The following UGT1A10 variants were observed in gnomAD, a reference collection of about 807,000 sequenced individuals.
UGT1A10 encodes UDP-glucuronosyltransferase 1A10.
Under a neutral mutation model 45.8 loss-of-function variants are expected in UGT1A10, and 49 were observed. That is an observed-to-expected ratio of 1.07 (90% CI 0.85 to 1.36). UGT1A10 has a LOEUF of 1.36. UGT1A10 is among the 40% of genes most tolerant of loss of function. UGT1A10 has a pLI of 0.00. For synonymous variants in UGT1A10, 284 were observed against 249.7 expected (o/e 1.14, Z -1.29); for missense variants, 745 against 668.6 (o/e 1.11, Z -1.26).
At chr2:233,654,850 G>A (rs1221049447) in intron 1 of UGT1A10, among the ~76,000 whole-genome samples, 1 of 152,210 alleles carries the variant, frequency 6.6e-6, no homozygotes, top group Admixed American at 6.5e-5. Flanking sequence ...CCTGCACTTA[G>A]GGAAACTGAG....
chr2:233,742,128 C>T (rs1691880797), intron 1 of UGT1A10, among the ~76,000 whole-genome samples: 1 of 151,756 alleles, frequency 6.6e-6, no homozygotes, highest in Admixed American at 6.5e-5. Flanking sequence ...TCGTGGAGAC[C>T]CTAACCCAGC....
chr2:233,772,363 A>G lies in UGT1A10; in HGVS notation c.1397A>G (p.Lys466Arg). 1 of 1,614,238 alleles carries G rather than the reference A, an allele frequency of 6.2e-7. No homozygotes were observed. Among genetic ancestry groups the G allele is most frequent in the Non-Finnish European group, 8.5e-7 (1 of 1,180,044 alleles). Residue 466 changes from lysine to arginine, a missense_variant, in exon 5 of 5, where the codon AAG (lysine) becomes AGG (arginine). By Grantham distance (26) the Lys-to-Arg change is conservative. Coordinates refer to ENST00000344644, the MANE Select transcript of UGT1A10 (RefSeq NM_019075.4). ...TGGGTGGAGTTTGTGATGAGGCACA[A>G]GGGCGCGCCACACCTGCGCCCCGCA... Reference protein sequence around the residue: ...VFWVEFVMRHKGAPHLRPAAH... With the variant: ...VFWVEFVMRHRGAPHLRPAAH...
chr2:233,666,799 CT>C (rs1559331451), intron 1 of UGT1A10, among the ~76,000 whole-genome samples: 2 of 131,902 alleles, frequency 1.5e-5, no homozygotes, highest in African/African-American at 5.5e-5. Context: ...TCCCTCCCCC[CT>C]CCCCCAATCC....
chr2:233,697,058 G>A (rs1287604858), intron 1 of UGT1A10, among the ~76,000 whole-genome samples: 1 of 151,826 alleles, frequency 6.6e-6, no homozygotes, highest in African/African-American at 2.4e-5. Context: ...TTGTGTCCTT[G>A]TCTGGTTTTG....
intron 1 of UGT1A10, among the ~76,000 whole-genome samples, chr2:233,668,539 A>G (rs1220483734): frequency 1.3e-5 from 2 of 152,172 alleles, no homozygotes; most frequent in Non-Finnish European, 2.9e-5. Context: ...TCTTTATAGT[A>G]CCATGATTTA....
intron 1 of UGT1A10, among the ~76,000 whole-genome samples, chr2:233,669,766 C>G (rs1408244220): frequency 6.6e-6 from 1 of 152,192 alleles, no homozygotes; most frequent in Non-Finnish European, 1.5e-5. Flanking sequence ...TCAATGCAAC[C>G]TCCGCTTCCC....
chr2:233,704,137 C>T (rs562114824), intron 1 of UGT1A10, among the ~76,000 whole-genome samples: 13 of 152,058 alleles, frequency 8.5e-5, no homozygotes, highest in South Asian at 8.3e-4. Context: ...GTGATCCACC[C>T]GCCTCAGCCT....
chr2:233,661,623 T>TTTTCTTTCTTTCTTTC (rs55749169), intron 1 of UGT1A10, among the ~76,000 whole-genome samples: 9,895 of 123,814 alleles, frequency 0.08, 630 homozygotes, highest in African/African-American at 0.13. Flanking sequence ...ACTTACTGAA[T>TTTTCTTTCTTTCTTTC]TTTCTTTCTT....
At chr2:233,733,112 C>A (rs1009344972) in intron 1 of UGT1A10, among the ~76,000 whole-genome samples, 13 of 152,124 alleles carry the variant, frequency 8.5e-5, no homozygotes, top group African/African-American at 2.9e-4. Flanking sequence ...CTCTGTTTGT[C>A]TGTTATTGGT....
chr2:233,719,378 G>C, intron 1 of UGT1A10: 1 of 1,613,952 alleles, frequency 6.2e-7, no homozygotes, highest in Non-Finnish European at 8.5e-7. Flanking sequence ...AGGGCACACA[G>C]TGTCCAAATC....
chr2:233,772,588 TG>T lies in UGT1A10; in HGVS notation c.*30del, dbSNP rs774491304. The T allele has an allele frequency of 1.9e-6, 3 of 1,604,040 alleles. No homozygotes were observed. The South Asian group carries it at 3.3e-5, about 18-fold the overall frequency. On this transcript the variant is annotated 3_prime_UTR_variant, in exon 5 of 5. Transcript: ENST00000344644. ...GTGGGTGGGAAATAAGGTAAAATTT[TG>T]AACCATTCCCTAGTCATTTCCAAAC...
chr2:233,720,732 G>A (rs1210720927), intron 1 of UGT1A10, among the ~76,000 whole-genome samples: 3 of 146,212 alleles, frequency 2.1e-5, no homozygotes, highest in African/African-American at 7.6e-5. Context: ...TTGAGACTGA[G>A]CCTCGTTCTG....
chr2:233,672,551 G>C, intron 1 of UGT1A10: 1 of 1,613,946 alleles, frequency 6.2e-7, no homozygotes, highest in Non-Finnish European at 8.5e-7. Context: ...TTCAAGGAGA[G>C]AGTACGGAAC....
At chr2:233,639,537 G>A (rs963314218) in intron 1 of UGT1A10, among the ~76,000 whole-genome samples, 1 of 152,216 alleles carries the variant, frequency 6.6e-6, no homozygotes, top group African/African-American at 2.4e-5. Context: ...TTCAGAGTCT[G>A]AGTCTCATCT....
At chr2:233,699,090 T>A (rs2075483831) in intron 1 of UGT1A10, among the ~76,000 whole-genome samples, 1 of 152,200 alleles carries the variant, frequency 6.6e-6, no homozygotes, top group African/African-American at 2.4e-5. Context: ...TCTAGCCCTG[T>A]GCACCTCATC....
At chr2:233,672,424 C>A (rs771467947) in intron 1 of UGT1A10, 6 of 1,613,898 alleles carry the variant, frequency 3.7e-6, no homozygotes, top group Non-Finnish European at 5.1e-6. Flanking sequence ...TTTCTCCCTC[C>A]CCTCCGTGGT....
At chr2:233,713,146 A>G (rs2076284173) in intron 1 of UGT1A10, 1 of 1,614,234 alleles carries the variant, frequency 6.2e-7, no homozygotes, top group East Asian at 2.2e-5. Context: ...CGGGACCTCC[A>G]TGCGAGAGGC....
chr2:233,754,888 TC>T (rs1267337682), intron 1 of UGT1A10: 34 of 1,351,412 alleles, frequency 2.5e-5, no homozygotes, highest in Non-Finnish European at 3.4e-5. Flanking sequence ...CCCAGGGAGT[TC>T]CTCTGACCCC....
intron 1 of UGT1A10, among the ~76,000 whole-genome samples, chr2:233,654,095 T>C (rs748630934): frequency 2.0e-5 from 3 of 152,176 alleles, no homozygotes; most frequent in African/African-American, 4.8e-5. Context: ...GCCTTCAGTA[T>C]TGGAAATGAT....
Sources: allele counts gnomAD v4.1 joint callset (sites outside exome capture counted in the v4.1 genomes callset), GRCh38; gene constraint gnomAD v4.1.1; transcripts MANE v1.5; gene names NCBI Gene and HGNC (gene_info 2026-07-23, HGNC 2026-07-21).